Variants in EFCAB11 observed in about 807,000 individuals in gnomAD.
EFCAB11 encodes the protein EF-hand calcium-binding domain-containing protein 11.
In EFCAB11, 14 loss-of-function variants were observed where a neutral mutation model predicts 23.0. The ratio of observed to expected loss-of-function variants is 0.61; its 90% CI spans 0.40 to 0.95. The LOEUF (loss-of-function observed/expected upper bound fraction) is 0.95, where lower values mean the gene tolerates loss of function less well. Among genes scored for constraint, EFCAB11 ranks in the 40% least tolerant of loss-of-function variants. EFCAB11 has a pLI of 0.00. For synonymous variants in EFCAB11, 65 were observed against 66.6 expected, an observed-to-expected ratio of 0.98 and a Z score of 0.11; for missense variants, 198 against 195.8, an observed-to-expected ratio of 1.01 and a Z score of -0.07.
chr14:89,807,742 A>G (rs1647544653), intron 5 of EFCAB11, among the ~76,000 whole-genome samples: 1 of 152,214 alleles, frequency 6.6e-6, no homozygotes, highest in Non-Finnish European at 1.5e-5. Context: ...AATACATGAT[A>G]GAAGGACTGT....
chr14:89,945,888 A>G (rs1382439743), intron 3 of EFCAB11, among the ~76,000 whole-genome samples: 1 of 144,542 alleles, frequency 6.9e-6, no homozygotes, highest in African/African-American at 2.5e-5. Flanking sequence ...TGCTTCATGT[A>G]TTTTGAATTT....
At chr14:89,919,220 GAGA>G (rs1223750451) in intron 5 of EFCAB11, among the ~76,000 whole-genome samples, 7 of 152,002 alleles carry the variant, frequency 4.6e-5, no homozygotes, top group African/African-American at 1.7e-4. Context: ...GAGAGAGAGA[GAGA>G]GAGAAACACT....
At chr14:89,928,809 G>A (rs1012013238) in intron 5 of EFCAB11, among the ~76,000 whole-genome samples, 2 of 145,264 alleles carry the variant, frequency 1.4e-5, no homozygotes, top group African/African-American at 2.5e-5. Flanking sequence ...ATATATTATA[G>A]ATTACATATA....
chr14:89,889,368 A>C (rs770094668), intron 5 of EFCAB11, among the ~76,000 whole-genome samples: 5 of 152,194 alleles, frequency 3.3e-5, no homozygotes, highest in Non-Finnish European at 7.3e-5. Flanking sequence ...ATATGAGACA[A>C]ATTTTTTAAC....
At chr14:89,894,685 T>C (rs1199542725) in intron 5 of EFCAB11, among the ~76,000 whole-genome samples, 3 of 152,096 alleles carry the variant, frequency 2.0e-5, no homozygotes, top group Non-Finnish European at 4.4e-5. Flanking sequence ...AAGAAATAAA[T>C]GATATAAGGA....
intron 5 of EFCAB11, among the ~76,000 whole-genome samples, chr14:89,892,817 G>A (rs573981697): frequency 3.5e-4 from 54 of 152,122 alleles, no homozygotes; most frequent in African/African-American, 1.1e-3. Context: ...CAGGAGAATC[G>A]CTTGAACCCA....
intron 5 of EFCAB11, among the ~76,000 whole-genome samples, chr14:89,811,512 T>C (rs1422399745): frequency 1.3e-5 from 2 of 152,262 alleles, no homozygotes; most frequent in East Asian, 1.9e-4. Flanking sequence ...GACTCTAACA[T>C]GGGGAGATTA....
At chr14:89,803,713 A>G (rs1401432698) in intron 5 of EFCAB11, among the ~76,000 whole-genome samples, 2 of 152,218 alleles carry the variant, frequency 1.3e-5, no homozygotes, top group Non-Finnish European at 2.9e-5. Flanking sequence ...TTACCCTCCA[A>G]GCAAGGAGCC....
chr14:89,910,768 C>T (rs1034146013), intron 5 of EFCAB11, among the ~76,000 whole-genome samples: 1 of 151,984 alleles, frequency 6.6e-6, no homozygotes. Context: ...ACAGGAGAGT[C>T]GGACGGGTTT....
chr14:89,844,693 C>A (rs1177809796), intron 5 of EFCAB11, among the ~76,000 whole-genome samples: 1 of 152,228 alleles, frequency 6.6e-6, no homozygotes, highest in Non-Finnish European at 1.5e-5. Flanking sequence ...CAGCCACATC[C>A]CCACACCCGA....
intron 5 of EFCAB11, among the ~76,000 whole-genome samples, chr14:89,841,558 G>A (rs1309116302): frequency 2.6e-5 from 4 of 151,934 alleles, no homozygotes; most frequent in East Asian, 1.9e-4. Context: ...CTACCTCCTC[G>A]TTACTAAGTC....
At chr14:89,884,220 T>C (rs1167828426) in intron 5 of EFCAB11, among the ~76,000 whole-genome samples, 1 of 152,212 alleles carries the variant, frequency 6.6e-6, no homozygotes, top group Non-Finnish European at 1.5e-5. Flanking sequence ...TTACTAATGG[T>C]ACAATAGTTC....
At chr14:89,871,875 G>A (rs1888281168) in intron 5 of EFCAB11, among the ~76,000 whole-genome samples, 1 of 152,146 alleles carries the variant, frequency 6.6e-6, no homozygotes. Flanking sequence ...CAGAAAAGGT[G>A]GGGAAGAGCT....
At chr14:89,947,302 T>C (rs140271195) in intron 3 of EFCAB11, among the ~76,000 whole-genome samples, 101 of 152,256 alleles carry the variant, frequency 6.6e-4, no homozygotes, top group African/African-American at 2.2e-3. Flanking sequence ...CCTTACACAA[T>C]AGGTCTCCTT....
chr14:89,933,735 A>G (rs957119755), intron 3 of EFCAB11, among the ~76,000 whole-genome samples: 5 of 152,212 alleles, frequency 3.3e-5, no homozygotes, highest in African/African-American at 1.2e-4. Context: ...TGGGGAAGGC[A>G]GTCATTACAC....
chr14:89,898,904 C>A (rs939298283), intron 5 of EFCAB11, among the ~76,000 whole-genome samples: 1 of 151,304 alleles, frequency 6.6e-6, no homozygotes, highest in East Asian at 1.9e-4. Flanking sequence ...GAACTCCTGG[C>A]CTCAAGCCAT....
intron 5 of EFCAB11, among the ~76,000 whole-genome samples, chr14:89,858,648 C>A (rs1016382808): frequency 6.7e-6 from 1 of 148,866 alleles, no homozygotes; most frequent in Non-Finnish European, 1.5e-5. Flanking sequence ...CATCACCACA[C>A]CCAGCTAATT....
At chr14:89,945,873 T>C (rs1361830762) in intron 3 of EFCAB11, among the ~76,000 whole-genome samples, 1 of 152,108 alleles carries the variant, frequency 6.6e-6, no homozygotes, top group Non-Finnish European at 1.5e-5. Flanking sequence ...GTTTTATTAG[T>C]TTTTTGCTTC....
At chr14:89,888,098 A>G (rs1888848987) in intron 5 of EFCAB11, among the ~76,000 whole-genome samples, 1 of 152,236 alleles carries the variant, frequency 6.6e-6, no homozygotes, top group South Asian at 2.1e-4. Flanking sequence ...GAAGGAAATA[A>G]AACAGAAAAT....
Sources: gnomAD v4.1 joint callset for allele counts (sites outside exome capture counted in the v4.1 genomes callset) on GRCh38, gnomAD v4.1.1 for gene constraint, MANE v1.5 for transcripts, NCBI Gene and HGNC (gene_info 2026-07-23, HGNC 2026-07-21) for gene names.